MEF2B: variants seen among roughly 807,000 people sequenced by gnomAD.
The protein encoded by MEF2B is myocyte-specific enhancer factor 2B.
Under a neutral mutation model 32.2 loss-of-function variants are expected in MEF2B, and 15 were observed. That is an observed-to-expected ratio of 0.47 (90% CI 0.31 to 0.72). The LOEUF (loss-of-function observed/expected upper bound fraction) is 0.72. MEF2B is among the 30% of genes least tolerant of loss of function. MEF2B has a pLI of 0.05. For synonymous variants in MEF2B, 205 were observed against 225.6 expected (o/e 0.91, Z 0.82); for missense variants, 441 against 511.5 (o/e 0.86, Z 1.33).
chr19:19,150,543 A>C (rs1432138413), intron 2 of MEF2B, 139 bp downstream of exon 2: 2 of 1,012,548 alleles, frequency 2.0e-6, no homozygotes, highest in Non-Finnish European at 2.7e-6. Context: ...AAAAAAAAAA[A>C]GAAAGGCTGA....
intron 3 of MEF2B, 105 bp from the exon 4 acceptor site, chr19:19,147,937 G>A: frequency 2.2e-5 from 32 of 1,476,420 alleles, no homozygotes; most frequent in Middle Eastern, 2.0e-4. Flanking sequence ...CTCCATGAGT[G>A]GGGAGGAATG....
At chr19:19,152,380 C>CAAAAAAAAAAAA (rs749560348) in intron 1 of MEF2B, among the ~76,000 whole-genome samples, 7 of 113,356 alleles carry the variant, frequency 6.2e-5, no homozygotes, top group Non-Finnish European at 1.8e-5. Context: ...GACTCTGTCT[C>CAAAAAAAAAAAA]AAAAAAAAAA....
chr19:19,155,801 T>C (rs1158256609), intron 1 of MEF2B, among the ~76,000 whole-genome samples: 1 of 151,780 alleles, frequency 6.6e-6, no homozygotes, highest in Non-Finnish European at 1.5e-5. Context: ...CTGGGGGAGG[T>C]GGCAGCACAG....
In MEF2B at chr19:19,164,994, G is replaced by A. The variant is rs568432142; in HGVS notation, c.-30+5211C>T. The stretch of plus-strand genomic sequence containing the variant: ...TTGGGAAATTAGCACATCTGTCAGC[G>A]CTGGGCAGAAGGGACCCTGCCCACA... On this transcript the variant is annotated intron_variant, in intron 1 of 8. Coordinates refer to ENST00000424583, the MANE Select transcript of MEF2B (RefSeq NM_001145785.2). Among the ~76,000 whole-genome samples, 3 of 152,322 alleles carry A rather than the reference G, an allele frequency of 2.0e-5. No individual in the cohort carries two copies. In the South Asian group the frequency reaches 6.2e-4, roughly 32 times the overall value.
intron 2 of MEF2B, among the ~76,000 whole-genome samples, chr19:19,150,083 CAAAAAAAAAAAAA>C (rs562187293): frequency 2.2e-5 from 1 of 45,890 alleles, no homozygotes; most frequent in African/African-American, 9.6e-5. Flanking sequence ...AACTCCATCT[CAAAAAAAAAAAAA>C]AAAAAAAAAA....
At chr19:19,151,313 T>A (rs2060078228) in intron 1 of MEF2B, among the ~76,000 whole-genome samples, 1 of 151,924 alleles carries the variant, frequency 6.6e-6, no homozygotes, top group Non-Finnish European at 1.5e-5. Flanking sequence ...GCAGGCACAC[T>A]CTGGAAAGGC....
intron 4 of MEF2B, among the ~76,000 whole-genome samples, 163 bp downstream of exon 4, chr19:19,147,535 A>G (rs1479259084): frequency 2.6e-5 from 4 of 152,212 alleles, no homozygotes; most frequent in Non-Finnish European, 5.9e-5. Flanking sequence ...CCCCAGCTAC[A>G]GTGCCCACTT....
At chr19:19,166,434 A>C (rs1036456311) in intron 1 of MEF2B, among the ~76,000 whole-genome samples, 1 of 152,072 alleles carries the variant, frequency 6.6e-6, no homozygotes, top group African/African-American at 2.4e-5. Context: ...CCTGACCCCA[A>C]AAGGGATCCC....
In MEF2B at chr19:19,159,133, G is replaced by T. The variant is rs572616069; in HGVS notation, c.-29-8369C>A. Among the ~76,000 whole-genome samples the T allele has an allele frequency of 5.4e-5, 8 of 149,134 alleles. No homozygotes were observed. In the East Asian group the frequency reaches 1.6e-3, roughly 30 times the overall value. The stretch of plus-strand genomic sequence containing the variant: ...TTTCTGTATTTTCAGTAGAGATGGG[G>T]TTTCACCATGTTGGCCAGACTGGTC... On this transcript the variant is annotated intron_variant, in intron 1 of 8. Transcript: ENST00000424583.
At position 19,146,334 on chromosome 19, in the gene MEF2B, T is replaced by TG; in HGVS notation, c.819dup (p.Thr274HisfsTer11). The TG allele has an allele frequency of 1.0e-6, 1 of 958,534 alleles. No homozygotes were observed. The highest frequency in any genetic ancestry group is 4.9e-5 in the East Asian group (1 of 20,480). 59.4% of individuals were successfully genotyped at this position (958,534 alleles called of 1,614,324 possible). ...CTCGAGGGCTGCCAGGGGGCCAGGG[T>TG]GGGGGGCTGCAACAAGCCAGGGGGC... On this transcript the variant is annotated frameshift_variant, in exon 8 of 9. Coordinates refer to ENST00000424583, the MANE Select transcript of MEF2B (RefSeq NM_001145785.2). LOFTEE classifies it high-confidence loss of function.
chr19:19,150,202 AGGAAGGAG>A (rs1365568670), intron 2 of MEF2B, among the ~76,000 whole-genome samples: 17 of 129,366 alleles, frequency 1.3e-4, no homozygotes, highest in African/African-American at 5.0e-4. Context: ...GAAGGAAGGA[AGGAAGGAG>A]GGAAGGAGGG....
At chr19:19,149,539 T>C in intron 2 of MEF2B, 110 bp from the exon 3 acceptor site, 1 of 1,418,370 alleles carries the variant, frequency 7.1e-7, no homozygotes, top group South Asian at 1.3e-5. Flanking sequence ...CTCAGGATTC[T>C]TTCTGGCTGA....
chr19:19,157,097 C>T (rs1032733923), intron 1 of MEF2B: 5 of 244,152 alleles, frequency 2.0e-5, no homozygotes, highest in African/African-American at 7.0e-5. Context: ...TTACAGTGAG[C>T]GATGATGATC....
chr19:19,158,119 G>T (rs890104595), intron 1 of MEF2B, among the ~76,000 whole-genome samples: 6 of 149,412 alleles, frequency 4.0e-5, no homozygotes, highest in Non-Finnish European at 8.9e-5. Flanking sequence ...GTGGAGTCTC[G>T]CTCTGTTACC....
intron 1 of MEF2B, among the ~76,000 whole-genome samples, chr19:19,152,380 C>CAAAAAAAAAAAAA (rs749560348): frequency 1.1e-4 from 13 of 113,276 alleles, no homozygotes; most frequent in Admixed American, 1.8e-4. Flanking sequence ...GACTCTGTCT[C>CAAAAAAAAAAAAA]AAAAAAAAAA....
chr19:19,167,554 A>T (rs2060219580), intron 1 of MEF2B, among the ~76,000 whole-genome samples: 1 of 151,658 alleles, frequency 6.6e-6, no homozygotes, highest in Non-Finnish European at 1.5e-5. Flanking sequence ...AAAGAAAGAA[A>T]CCTCTTCCAG....
chr19:19,148,776 A>C (rs2146355108), intron 3 of MEF2B, among the ~76,000 whole-genome samples: 1 of 151,540 alleles, frequency 6.6e-6, no homozygotes, highest in East Asian at 2.0e-4. Context: ...CAGTGGCTCG[A>C]TCTCGGCTCA....
At position 19,146,852 on chromosome 19, in the gene MEF2B, G is replaced by C; in HGVS notation, c.565C>G (p.Pro189Ala). 1 of 1,613,364 alleles carries C rather than the reference G, an allele frequency of 6.2e-7. No homozygotes were observed. Among genetic ancestry groups the C allele is most frequent in the African/African-American group, 1.3e-5 (1 of 75,036 alleles). Residue 189 changes from proline (P) to alanine (A), a missense_variant, in exon 6 of 9, where the codon CCA becomes GCA. Transcript: ENST00000424583. Reference sequence around the variant, plus strand: ...GGTGTCTTGCTGGTGAGGTGGCTTGGTGAGAAGAGAGGGTGCACCAGGCCT... The same window carrying C: ...GGTGTCTTGCTGGTGAGGTGGCTTGCTGAGAAGAGAGGGTGCACCAGGCCT... ...PPGLVHPLFS[P>A]SHLTSKTPPP... is the part of the protein sequence containing the mutation.
At chr19:19,158,872 G>A (rs1022983799) in intron 1 of MEF2B, among the ~76,000 whole-genome samples, 1 of 152,064 alleles carries the variant, frequency 6.6e-6, no homozygotes, top group East Asian at 1.9e-4. Context: ...GGGAGGCAGA[G>A]GTTGCAGTGA....
Sources: gnomAD v4.1 joint callset for allele counts (sites outside exome capture counted in the v4.1 genomes callset) on GRCh38, gnomAD v4.1.1 for gene constraint, MANE v1.5 for transcripts, NCBI Gene and HGNC (gene_info 2026-07-23, HGNC 2026-07-21) for gene names.